TOGARAM2: variants seen among roughly 807,000 people sequenced by gnomAD.
TOGARAM2 encodes the protein TOG array regulator of axonemal microtubules 2.
TOGARAM2 carries 85 observed loss-of-function variants against 93.3 expected under a neutral mutation model. The observed-to-expected ratio is 0.91, with a 90% CI of 0.76 to 1.09. The LOEUF is 1.09. Ranked by LOEUF, TOGARAM2 falls within the 50% of genes least tolerant of loss-of-function variation. TOGARAM2 has a pLI of 0.00. For missense variants in TOGARAM2, 1,277 were observed against 1,334.5 expected, an observed-to-expected ratio of 0.96 and a Z score of 0.67; for synonymous variants, 593 against 552.8, an observed-to-expected ratio of 1.07 and a Z score of -1.02.
intron 18 of TOGARAM2, among the ~76,000 whole-genome samples, chr2:29,044,982 A>G (rs567577039): frequency 1.3e-5 from 2 of 151,956 alleles, no homozygotes; most frequent in Middle Eastern, 6.8e-3. Flanking sequence ...CCATCCATCC[A>G]TCCATCTTCT....
intron 10 of TOGARAM2, among the ~76,000 whole-genome samples, chr2:29,019,236 A>G (rs946345906): frequency 1.4e-5 from 2 of 139,182 alleles, no homozygotes; most frequent in African/African-American, 2.7e-5. Flanking sequence ...GCTGGAGTGC[A>G]GTGGTGCGAT....
At chr2:29,043,984 T>G (rs1342786241) in intron 18 of TOGARAM2, among the ~76,000 whole-genome samples, 1 of 152,202 alleles carries the variant, frequency 6.6e-6, no homozygotes, top group East Asian at 1.9e-4. Flanking sequence ...GCCAATTTAT[T>G]CCGGAAATGT....
chr2:29,020,626 A>G (rs925079248), intron 10 of TOGARAM2, among the ~76,000 whole-genome samples: 2 of 152,172 alleles, frequency 1.3e-5, no homozygotes, highest in African/African-American at 2.4e-5. Flanking sequence ...TTTTAAATCC[A>G]GTGGATGCTA....
At chr2:28,983,183 T>TAA (rs1195515581) in intron 1 of TOGARAM2, among the ~76,000 whole-genome samples, 325 of 46,446 alleles carry the variant, frequency 7.0e-3, no homozygotes, top group East Asian at 0.013. Flanking sequence ...TATAAATATA[T>TAA]ATATATATAT....
chr2:29,019,177 CTTTTTTTTT>C (rs61378143), intron 10 of TOGARAM2, among the ~76,000 whole-genome samples: 3 of 121,706 alleles, frequency 2.5e-5, no homozygotes, highest in Non-Finnish European at 5.0e-5. Flanking sequence ...CCAACTGACT[CTTTTTTTTT>C]TTTTTTTTTT....
At chr2:29,005,226 T>G (rs62649851) in intron 6 of TOGARAM2, among the ~76,000 whole-genome samples, 94,765 of 129,556 alleles carry the variant, frequency 0.73, 36,495 homozygotes, top group Non-Finnish European at 0.85. Context: ...TGTGCATGTG[T>G]GTATATGTGT....
rs1558400424 is a variant in TOGARAM2 at position 28,983,200 on chromosome 2, T to TA, written c.-111+1662_-111+1663insA. On this transcript the variant is annotated intron_variant, in intron 1 of 19. Coordinates refer to ENST00000379558, the MANE Select transcript of TOGARAM2 (RefSeq NM_199280.4). Reference sequence around the variant, plus strand: ...TAAATATATATATATATATATATATTTTTTTTTTTTTTTTTTTTTTTTTTT... The same window carrying TA: ...TAAATATATATATATATATATATATTATTTTTTTTTTTTTTTTTTTTTTTTT... Among the ~76,000 whole-genome samples, 138 of 21,218 alleles carry TA rather than the reference T, an allele frequency of 6.5e-3. 1 individual carries two copies. Among genetic ancestry groups the TA allele is most frequent in the Middle Eastern group, 0.067 (2 of 30 alleles). 13.9% of individuals were successfully genotyped at this position (21,218 alleles called of 152,430 possible).
At chr2:28,988,150 G>A (rs2148251286) in intron 1 of TOGARAM2, among the ~76,000 whole-genome samples, 2 of 152,304 alleles carry the variant, frequency 1.3e-5, no homozygotes, top group South Asian at 4.1e-4. Context: ...TGGAAGTCCC[G>A]ATAATCAGAT....
chr2:29,023,216 G>A (rs1299661120), intron 12 of TOGARAM2, 25 bp downstream of exon 12: 35 of 1,553,666 alleles, frequency 2.3e-5, no homozygotes, highest in Non-Finnish European at 3.0e-5. Flanking sequence ...CCTGTGTGCT[G>A]TGCATTTGGC....
intron 8 of TOGARAM2, 40 bp downstream of exon 8, chr2:29,014,601 T>A: frequency 6.5e-7 from 1 of 1,545,870 alleles, no homozygotes; most frequent in Non-Finnish European, 8.7e-7. Flanking sequence ...GGGGCTGGAG[T>A]GGACCGCAGG....
chr2:28,977,387 C>G (rs551653659), upstream of TOGARAM2, among the ~76,000 whole-genome samples: 16 of 152,258 alleles, frequency 1.1e-4, no homozygotes, highest in East Asian at 2.9e-3. Context: ...CCCATGCTCC[C>G]TGGGATCTGA....
Position 29,013,422 on chromosome 2 carries a change from C to T in TOGARAM2, c.878-973C>T, listed in dbSNP as rs191977477. Among the ~76,000 whole-genome samples, 79 of 152,268 alleles carry T rather than the reference C, an allele frequency of 5.2e-4. 1 individual carries two copies. The highest frequency in any genetic ancestry group is 6.8e-3 in the Middle Eastern group (2 of 294). On this transcript the variant is annotated intron_variant, in intron 7 of 19. Coordinates refer to ENST00000379558, the MANE Select transcript of TOGARAM2 (RefSeq NM_199280.4). ...CGATTACAAGGTGAAGTCCCACAGG[C>T]GGCCATCTGCAAGCTGGGGAAGAGA...
At chr2:29,037,112 T>C (rs1227868736) in intron 18 of TOGARAM2, among the ~76,000 whole-genome samples, 1 of 150,756 alleles carries the variant, frequency 6.6e-6, no homozygotes, top group Non-Finnish European at 1.5e-5. Flanking sequence ...GTGGGGTTTG[T>C]GGTGATGGGC....
At chr2:28,960,514 T>C (rs1671788476) in intron 1 of TOGARAM2, among the ~76,000 whole-genome samples, 1 of 152,204 alleles carries the variant, frequency 6.6e-6, no homozygotes, top group African/African-American at 2.4e-5. Flanking sequence ...GTTTGTCAAG[T>C]CTTCTTTAGT....
intron 1 of TOGARAM2, among the ~76,000 whole-genome samples, chr2:28,993,538 C>T (rs1365139796): frequency 6.6e-6 from 1 of 152,242 alleles, no homozygotes; most frequent in Non-Finnish European, 1.5e-5. Context: ...GGGTTCAGGA[C>T]TGCTTTTCAC....
Position 28,999,340 on chromosome 2 carries a change from G to GACAA in TOGARAM2, c.299_300insACAA (p.Asp101GlnfsTer26). 1 of 1,613,714 alleles carries GACAA rather than the reference G, an allele frequency of 6.2e-7. No individual in the cohort carries two copies. The highest frequency in any genetic ancestry group is 8.5e-7 in the Non-Finnish European group (1 of 1,179,786). ...AGGAACCTCAGGGCCTTGTCTTTGG[G>GACAA]GGACCAGCCCCTGGTGCTCCTCCCT... On this transcript the variant is annotated frameshift_variant, in exon 4 of 20. Coordinates refer to ENST00000379558, the MANE Select transcript of TOGARAM2 (RefSeq NM_199280.4). LOFTEE classifies it high-confidence loss of function.
Position 29,002,662 on chromosome 2 carries a change from C to T in TOGARAM2, c.554C>T (p.Pro185Leu). 6.2e-7 allele frequency: 1 copy of T among 1,614,036 alleles called. No individual in the cohort carries two copies. The highest frequency in any genetic ancestry group is 1.1e-5 in the South Asian group (1 of 91,084). Residue 185 changes from proline to leucine, a missense_variant, in exon 5 of 20, where the codon CCT (proline) becomes CTT (leucine). Physicochemically the swap from Pro to Leu is moderately conservative, Grantham distance 98 (BLOSUM62 -3). Transcript: ENST00000379558. Reference sequence around the variant, plus strand: ...CTCATCCAGAGCATCCCTACCACCCCTGAGGCCAGCGGAGTCAAAGAGAAG... The same window carrying T: ...CTCATCCAGAGCATCCCTACCACCCTTGAGGCCAGCGGAGTCAAAGAGAAG... ...MPLIQSIPTT[P>L]EASGVKEKGL...
chr2:29,034,187 A>T (rs1367432111), intron 16 of TOGARAM2, among the ~76,000 whole-genome samples: 1 of 151,948 alleles, frequency 6.6e-6, no homozygotes. Flanking sequence ...CGGCCTGACC[A>T]GAGCAGCACC....
chr2:29,045,401 C>T lies in TOGARAM2; in HGVS notation c.2713C>T (p.Arg905Cys), dbSNP rs149465089. 2.2e-4 allele frequency: 347 copies of T among 1,613,264 alleles called. No homozygotes were observed. Among genetic ancestry groups the T allele is most frequent in the African/African-American group, 1.8e-3 (136 of 75,020 alleles). The stretch of plus-strand genomic sequence containing the variant: ...CCGTGCGGTGCTGGATGTCACAGAT[C>T]GCCTGGCAGGTGAGCACCCCCAGCC... The part of the protein sequence containing the change: ...SGRAVLDVTD[R>C]LAVLVASVYP... Residue 905 changes from arginine to cysteine, a missense_variant, in exon 19 of 20, where the codon CGC becomes TGC. Transcript: ENST00000379558.
Sources: gnomAD v4.1 joint callset for allele counts (sites outside exome capture counted in the v4.1 genomes callset) on GRCh38, gnomAD v4.1.1 for gene constraint, MANE v1.5 for transcripts, NCBI Gene and HGNC (gene_info 2026-07-23, HGNC 2026-07-21) for gene names.